The following CDHR1 variants were observed in gnomAD, a reference collection of about 807,000 sequenced individuals.
CDHR1 encodes the protein cadherin-related family member 1.
Under a neutral mutation model 72.1 loss-of-function variants are expected in CDHR1, and 61 were observed. The observed-to-expected ratio is 0.85, with a 90% CI of 0.69 to 1.05. CDHR1 has a LOEUF of 1.05. Ranked by LOEUF, CDHR1 falls within the 50% of genes least tolerant of loss-of-function variation. The probability of loss-of-function intolerance (pLI) is 0.00; values close to 1 mark genes in which losing one functional copy is unlikely to be tolerated. For synonymous variants in CDHR1, 470 were observed against 448.1 expected (o/e 1.05, Z -0.62); for missense variants, 1,186 against 1,115.7 (o/e 1.06, Z -0.90).
intron 8 of CDHR1, among the ~76,000 whole-genome samples, chr10:84,203,560 G>A (rs1198218058): frequency 2.0e-5 from 3 of 152,080 alleles, no homozygotes; most frequent in African/African-American, 7.2e-5. Context: ...GACTACAGGT[G>A]CACACCACCA....
chr10:84,217,835 C>A lies in CDHR1; in HGVS notation c.*3214C>A, dbSNP rs1315727505. On this transcript the variant is annotated 3_prime_UTR_variant, in exon 17 of 17. Coordinates refer to ENST00000623527, the MANE Select transcript of CDHR1 (RefSeq NM_033100.4). ...CCACAGCATCTGTGGCCTGTGTAGC[C>A]GGCAGCCTGCATTTGGGCGTTGACA... The A allele has an allele frequency of 1.0e-6, 1 of 985,232 alleles. No individual in the cohort carries two copies. Among genetic ancestry groups the A allele is most frequent in the Non-Finnish European group, 1.2e-6 (1 of 829,958 alleles). 61.0% of individuals were successfully genotyped at this position (985,232 alleles called of 1,614,324 possible). A position where few individuals can be genotyped will look rare whatever the true frequency, so the allele number is the denominator to read the frequency against.
Position 84,216,358 on chromosome 10 carries a change from C to T in CDHR1, c.*1737C>T, listed in dbSNP as rs181800100. The T allele has an allele frequency of 5.7e-5, 56 of 985,492 alleles. No homozygotes were observed. Among genetic ancestry groups the T allele is most frequent in the Middle Eastern group, 5.2e-4 (1 of 1,914 alleles). 61.0% of individuals were successfully genotyped at this position (985,492 alleles called of 1,614,324 possible). On this transcript the variant is annotated 3_prime_UTR_variant, in exon 17 of 17. Transcript: ENST00000623527. The stretch of plus-strand genomic sequence containing the variant: ...AACAGTATTAAGCAAGAGGTGGACT[C>T]GAGCAATCCAGGAGCCCAGACTGAG...
At position 84,201,888 on chromosome 10, in the gene CDHR1, TC is replaced by T. The variant is rs1343744787; in HGVS notation, c.610del (p.Arg204GlyfsTer63). The T allele has an allele frequency of 1.2e-6, 2 of 1,607,750 alleles. No homozygotes were observed. The highest frequency in any genetic ancestry group is 1.7e-6 in the Non-Finnish European group (2 of 1,179,918). On this transcript the variant is annotated frameshift_variant, in exon 7 of 17. Transcript: ENST00000623527. LOFTEE classifies it high-confidence loss of function. ...TGGGGCCACTCTGGACTACGAGAGG[TC>T]CCGGACCCACTACATCACCGTGGTC... Reference protein sequence around the residue: ...QAGATLDYERSRTHYITVVAK... With the variant: ...QAGATLDYERXRTHYITVVAK...
At position 84,218,652 on chromosome 10, in the gene CDHR1, T is replaced by A. The variant is rs1266761521; in HGVS notation, c.*4031T>A. The A allele has an allele frequency of 5.1e-6, 5 of 986,172 alleles. No individual in the cohort carries two copies. Among genetic ancestry groups the A allele is most frequent in the Non-Finnish European group, 6.0e-6 (5 of 830,586 alleles). The allele number at this position is 986,172 out of a possible 1,614,324, so 61.1% of individuals were successfully genotyped here. On this transcript the variant is annotated 3_prime_UTR_variant, in exon 17 of 17. Transcript: ENST00000623527. ...AGGCATTTGCCTTAAACTTGTATGG[T>A]CTAAACTCTAAATAAATAAGCTTCT...
Position 84,218,271 on chromosome 10 carries a change from C to T in CDHR1, c.*3650C>T. On this transcript the variant is annotated 3_prime_UTR_variant, in exon 17 of 17. Coordinates refer to ENST00000623527, the MANE Select transcript of CDHR1 (RefSeq NM_033100.4). Reference sequence around the variant, plus strand: ...GGCCTAGTTTCCAGAATGAGGCGGTCATGGCTTAAGCGACCATCATTTGAT... The same window carrying T: ...GGCCTAGTTTCCAGAATGAGGCGGTTATGGCTTAAGCGACCATCATTTGAT... The T allele has an allele frequency of 1.0e-6, 1 of 985,426 alleles. No individual in the cohort carries two copies. The highest frequency in any genetic ancestry group is 1.2e-6 in the Non-Finnish European group (1 of 829,934). The allele number at this position is 985,426 out of a possible 1,614,324, so 61.0% of individuals were successfully genotyped here.
chr10:84,216,345 C>CAAGA lies in CDHR1; in HGVS notation c.*1725_*1728dup, dbSNP rs1486026870. On this transcript the variant is annotated 3_prime_UTR_variant, in exon 17 of 17. Transcript: ENST00000623527. ...AGTCCCCAACGTGAACAGTATTAAG[C>CAAGA]AAGAGGTGGACTCGAGCAATCCAGG... The CAAGA allele has an allele frequency of 2.0e-6, 2 of 985,412 alleles. No homozygotes were observed. Among genetic ancestry groups the CAAGA allele is most frequent in the African/African-American group, 3.5e-5 (2 of 57,248 alleles). The allele number at this position is 985,412 out of a possible 1,614,324, so 61.0% of individuals were successfully genotyped here.
chr10:84,219,344 A>G, downstream of CDHR1: 1 of 1,535,296 alleles, frequency 6.5e-7, no homozygotes, highest in Non-Finnish European at 8.8e-7. Flanking sequence ...ATGTTTACAG[A>G]AGCAACTGAA....
At chr10:84,208,146 C>T (rs1483473687) in intron 10 of CDHR1, 28 bp from the exon 11 acceptor site, 1 of 1,605,208 alleles carries the variant, frequency 6.2e-7, no homozygotes, top group Non-Finnish European at 8.5e-7. Context: ...ACCTGCCACA[C>T]AGCCATAGCC....
At chr10:84,202,881 T>C (rs1842152475) in intron 7 of CDHR1, 99 bp from the exon 8 acceptor site, 2 of 1,365,926 alleles carry the variant, frequency 1.5e-6, no homozygotes, top group East Asian at 4.6e-5. Context: ...ACAGCTGGCC[T>C]CACAGCCATA....
At position 84,212,391 on chromosome 10, in the gene CDHR1, C is replaced by T. The variant is rs1842352107; in HGVS notation, c.1766C>T (p.Thr589Ile). The T allele has an allele frequency of 2.5e-6, 4 of 1,613,982 alleles. No individual in the cohort carries two copies. The highest frequency in any genetic ancestry group is 3.4e-6 in the Non-Finnish European group (4 of 1,179,968). The change falls in exon 15 of 17, where the codon ACC (threonine) becomes ATC (isoleucine). Residue 589 changes from threonine (T) to isoleucine (I), a missense_variant. By Grantham distance (89) the Thr-to-Ile change is moderately conservative (BLOSUM62 -1). Transcript: ENST00000623527. ...CAGAAGAAGACGATGGTGCTAGGGACCCCAGTGAAAATTGAGGTAAGTTTT... is the reference window on the plus strand; with the variant it reads ...CAGAAGAAGACGATGGTGCTAGGGATCCCAGTGAAAATTGAGGTAAGTTTT... Reference protein sequence around the residue: ...SVQKKTMVLGTPVKIEAIDED... With the variant: ...SVQKKTMVLGIPVKIEAIDED...
At position 84,218,057 on chromosome 10, in the gene CDHR1, T is replaced by C. The variant is rs1842454585; in HGVS notation, c.*3436T>C. On this transcript the variant is annotated 3_prime_UTR_variant, in exon 17 of 17. Transcript: ENST00000623527. ...TGAGGGAATCCAAGGCCAGTCCACC[T>C]GCCAGGGGTGTTGGCATCTGTTGAC... 32 of 985,482 alleles carry C rather than the reference T, an allele frequency of 3.2e-5. No homozygotes were observed. The highest frequency in any genetic ancestry group is 3.9e-5 in the Non-Finnish European group (32 of 829,946). The allele number at this position is 985,482 out of a possible 1,614,324, so 61.0% of individuals were successfully genotyped here.
At chr10:84,207,254 G>A (rs115632937) in intron 10 of CDHR1, among the ~76,000 whole-genome samples, 2,026 of 152,162 alleles carry the variant, frequency 0.013, 54 homozygotes, top group African/African-American at 0.046. Context: ...GAGGCTGAGA[G>A]TGAGGAGGAG....
chr10:84,215,328 G>A lies in CDHR1; in HGVS notation c.*707G>A, dbSNP rs1842410051. ...CCAAGAGTGAGGGCAGATGTCTCCAGCCAGGACTGCCCTGAGCCGCAAAAT... is the reference window on the plus strand; with the variant it reads ...CCAAGAGTGAGGGCAGATGTCTCCAACCAGGACTGCCCTGAGCCGCAAAAT... On this transcript the variant is annotated 3_prime_UTR_variant, in exon 17 of 17. Transcript: ENST00000623527. The A allele has an allele frequency of 1.0e-6, 1 of 986,536 alleles. No individual in the cohort carries two copies. The highest frequency in any genetic ancestry group is 1.7e-5 in the African/African-American group (1 of 57,366). The allele number at this position is 986,536 out of a possible 1,614,324, so 61.1% of individuals were successfully genotyped here. A position where few individuals can be genotyped will look rare whatever the true frequency, so the allele number is the denominator to read the frequency against.
Position 84,194,719 on chromosome 10 carries a change from C to A in CDHR1, c.-42C>A. 6.9e-7 allele frequency: 1 copy of A among 1,452,520 alleles called. No individual in the cohort carries two copies. Among genetic ancestry groups the A allele is most frequent in the East Asian group, 2.7e-5 (1 of 36,806 alleles). 90.0% of individuals were successfully genotyped at this position (1,452,520 alleles called of 1,614,324 possible). On this transcript the variant is annotated 5_prime_UTR_variant, in exon 1 of 17. Transcript: ENST00000623527. ...AGGGCATGCTCCGTGCCCCTGCGCC[C>A]GGTCTCGGCGGCGGCAGGCGACACT...
Position 84,217,415 on chromosome 10 carries a change from T to C in CDHR1, c.*2794T>C. 1.0e-6 allele frequency: 1 copy of C among 985,404 alleles called. No individual in the cohort carries two copies. The highest frequency in any genetic ancestry group is 1.2e-6 in the Non-Finnish European group (1 of 829,914). 61.0% of individuals were successfully genotyped at this position (985,404 alleles called of 1,614,324 possible). A position where few individuals can be genotyped will look rare whatever the true frequency, so the allele number is the denominator to read the frequency against. On this transcript the variant is annotated 3_prime_UTR_variant, in exon 17 of 17. Coordinates refer to ENST00000623527, the MANE Select transcript of CDHR1 (RefSeq NM_033100.4). ...CTGCGGCTGAGCTCAGATCTTCCAA[T>C]CACGTGAAATAACAAAGTCCTTTAC...
rs138182270 is a variant in CDHR1 at position 84,195,556 on chromosome 10, G to T, written c.118G>T (p.Ala40Ser). Residue 40 changes from alanine (A) to serine (S), a missense_variant, in exon 2 of 17, where the codon GCT becomes TCT. Physicochemically the swap from Ala to Ser is moderately conservative, Grantham distance 99 (BLOSUM62 1). Coordinates refer to ENST00000623527, the MANE Select transcript of CDHR1 (RefSeq NM_033100.4). ...NGVGSTNGNMALFSLPEDTPV... is the reference protein window; with the variant it reads ...NGVGSTNGNMSLFSLPEDTPV... Reference sequence around the variant, plus strand: ...GGTCGGCAGCACCAACGGAAACATGGCTCTGTTCAGCCTCCCAGAGGACAC... The same window carrying T: ...GGTCGGCAGCACCAACGGAAACATGTCTCTGTTCAGCCTCCCAGAGGACAC... 1 of 1,614,162 alleles carries T rather than the reference G, an allele frequency of 6.2e-7. No individual in the cohort carries two copies.
chr10:84,201,294 C>T (rs1848273048), intron 6 of CDHR1, among the ~76,000 whole-genome samples: 1 of 152,184 alleles, frequency 6.6e-6, no homozygotes, highest in African/African-American at 2.4e-5. Flanking sequence ...GCCAGAAGGG[C>T]CCCCAGGGAC....
At chr10:84,203,438 C>T (rs11200923) in intron 8 of CDHR1, among the ~76,000 whole-genome samples, 19,519 of 151,508 alleles carry the variant, frequency 0.13, 1,480 homozygotes, top group Non-Finnish European at 0.17. Context: ...TTTTTGGAAA[C>T]GGAGTCTCGC....
At position 84,216,269 on chromosome 10, in the gene CDHR1, G is replaced by T; in HGVS notation, c.*1648G>T. On this transcript the variant is annotated 3_prime_UTR_variant, in exon 17 of 17. Transcript: ENST00000623527. ...TTCCTGATTTCTGAGTCTGTGTTTGGAGGTGTTACTGAGATGTGCCAGTGT... is the reference window on the plus strand; with the variant it reads ...TTCCTGATTTCTGAGTCTGTGTTTGTAGGTGTTACTGAGATGTGCCAGTGT... 1 of 985,534 alleles carries T rather than the reference G, an allele frequency of 1.0e-6. No homozygotes were observed. Among genetic ancestry groups the T allele is most frequent in the Non-Finnish European group, 1.2e-6 (1 of 829,994 alleles). The allele number at this position is 985,534 out of a possible 1,614,324, so 61.0% of individuals were successfully genotyped here.
Sources: allele counts gnomAD v4.1 joint callset (sites outside exome capture counted in the v4.1 genomes callset), GRCh38; gene constraint gnomAD v4.1.1; transcripts MANE v1.5; gene names NCBI Gene and HGNC (gene_info 2026-07-23, HGNC 2026-07-21).